SH3RF3: variants seen among roughly 807,000 people sequenced by gnomAD.
The protein encoded by SH3RF3 is E3 ubiquitin-protein ligase SH3RF3.
Under a neutral mutation model 66.3 loss-of-function variants are expected in SH3RF3, and 29 were observed. The observed-to-expected ratio is 0.44, with a 90% CI of 0.33 to 0.60. SH3RF3 has a LOEUF of 0.60. Ranked by LOEUF, SH3RF3 falls within the 20% of genes least tolerant of loss-of-function variation. The pLI is 0.04. For missense variants in SH3RF3, 1,194 were observed against 1,190.9 expected, an observed-to-expected ratio of 1.00 and a Z score of -0.04; for synonymous variants, 583 against 532.0, an observed-to-expected ratio of 1.10 and a Z score of -1.32.
intron 1 of SH3RF3, among the ~76,000 whole-genome samples, chr2:109,319,523 A>G (rs736304): frequency 0.29 from 43,734 of 152,120 alleles, 6,759 homozygotes; most frequent in East Asian, 0.66. Context: ...ATGTTAGTAC[A>G]GATGTGTATT....
intron 5 of SH3RF3, 104 bp from the exon 6 acceptor site, chr2:109,432,397 T>C (rs2104569301): frequency 6.9e-7 from 1 of 1,456,956 alleles, no homozygotes; most frequent in Non-Finnish European, 9.3e-7. Flanking sequence ...AGTGGGTCTT[T>C]TTAGGTTGGG....
At chr2:109,244,303 G>A (rs1679859191) in intron 1 of SH3RF3, among the ~76,000 whole-genome samples, 1 of 152,214 alleles carries the variant, frequency 6.6e-6, no homozygotes, top group Non-Finnish European at 1.5e-5. Context: ...TCAGGCAAAT[G>A]TGCACATTTT....
chr2:109,432,883 A>G (rs565408245), intron 6 of SH3RF3, among the ~76,000 whole-genome samples: 4 of 152,368 alleles, frequency 2.6e-5, no homozygotes, highest in Admixed American at 1.3e-4. Flanking sequence ...TCCTCAGCAG[A>G]CATTGGCCAC....
chr2:109,148,396 G>T (rs1221032201), intron 1 of SH3RF3, among the ~76,000 whole-genome samples: 2 of 152,192 alleles, frequency 1.3e-5, no homozygotes, highest in Non-Finnish European at 2.9e-5. Context: ...ATCATAGGGA[G>T]GGCTTCTTAA....
At chr2:109,190,177 ATT>A (rs201914781) in intron 1 of SH3RF3, among the ~76,000 whole-genome samples, 1 of 145,568 alleles carries the variant, frequency 6.9e-6, no homozygotes, top group East Asian at 2.0e-4. Context: ...TTGACATCCT[ATT>A]TTTTTTTTTT....
intron 3 of SH3RF3, among the ~76,000 whole-genome samples, chr2:109,393,455 C>A (rs1676056759): frequency 6.6e-6 from 1 of 152,184 alleles, no homozygotes; most frequent in South Asian, 2.1e-4. Flanking sequence ...GTGAAGGATC[C>A]CCAGGTCGTT....
chr2:109,359,867 G>A (rs934640285), intron 2 of SH3RF3, among the ~76,000 whole-genome samples: 3 of 152,076 alleles, frequency 2.0e-5, no homozygotes, highest in Non-Finnish European at 2.9e-5. Context: ...ACCATAAAGG[G>A]TCATAAAATG....
At chr2:109,424,175 C>T (rs1049002562) in intron 5 of SH3RF3, among the ~76,000 whole-genome samples, 34 of 152,196 alleles carry the variant, frequency 2.2e-4, no homozygotes, top group African/African-American at 8.0e-4. Flanking sequence ...GAAGGGAAGC[C>T]TGTCTGATCC....
At chr2:109,440,557 G>A (rs1408854574) in intron 7 of SH3RF3, among the ~76,000 whole-genome samples, 1 of 152,178 alleles carries the variant, frequency 6.6e-6, no homozygotes, top group African/African-American at 2.4e-5. Flanking sequence ...ATGAGGACAG[G>A]AATTACTCTC....
chr2:109,380,598 G>A (rs1008222123), intron 3 of SH3RF3, among the ~76,000 whole-genome samples: 9 of 152,224 alleles, frequency 5.9e-5, no homozygotes, highest in African/African-American at 2.2e-4. Flanking sequence ...CAGCCTCCCT[G>A]GGAGCTTCTG....
intron 1 of SH3RF3, among the ~76,000 whole-genome samples, chr2:109,225,588 C>T (rs2105165029): frequency 6.6e-6 from 1 of 152,354 alleles, no homozygotes; most frequent in Admixed American, 6.5e-5. Context: ...CTCCACGTTC[C>T]TCTCTGGGAC....
At chr2:109,261,967 A>G (rs1191900956) in intron 1 of SH3RF3, among the ~76,000 whole-genome samples, 1 of 152,068 alleles carries the variant, frequency 6.6e-6, no homozygotes, top group Non-Finnish European at 1.5e-5. Flanking sequence ...ACTTCATTAC[A>G]TCAGAGGAAG....
intron 9 of SH3RF3, among the ~76,000 whole-genome samples, chr2:109,498,655 T>G (rs954931816): frequency 3.9e-5 from 6 of 152,158 alleles, no homozygotes. Context: ...TCCCCCTAAG[T>G]AGTATCAAGT....
At chr2:109,453,962 C>T (rs376517930) in intron 8 of SH3RF3, among the ~76,000 whole-genome samples, 3 of 152,202 alleles carry the variant, frequency 2.0e-5, no homozygotes, top group South Asian at 2.1e-4. Context: ...GGGAGGGCCT[C>T]GTTGCCAACT....
chr2:109,287,024 A>C (rs1390581249), intron 1 of SH3RF3, among the ~76,000 whole-genome samples: 1 of 152,130 alleles, frequency 6.6e-6, no homozygotes, highest in South Asian at 2.1e-4. Context: ...TCAGCTCTGC[A>C]CTGCTCTTCC....
At chr2:109,298,993 C>T (rs1681392554) in intron 1 of SH3RF3, among the ~76,000 whole-genome samples, 1 of 152,216 alleles carries the variant, frequency 6.6e-6, no homozygotes, top group South Asian at 2.1e-4. Context: ...CCTGCACCAA[C>T]CCCCACCCAC....
At chr2:109,153,016 G>A (rs924127740) in intron 1 of SH3RF3, among the ~76,000 whole-genome samples, 5 of 152,188 alleles carry the variant, frequency 3.3e-5, no homozygotes, top group East Asian at 3.9e-4. Flanking sequence ...TTAGAAGCAC[G>A]TTTTGATGGG....
chr2:109,394,815 C>G (rs1343109494), intron 3 of SH3RF3, among the ~76,000 whole-genome samples: 1 of 152,238 alleles, frequency 6.6e-6, no homozygotes, highest in East Asian at 1.9e-4. Context: ...GCAGAGCCAC[C>G]TGGCTTCCCT....
At chr2:109,411,450 T>C (rs1559069276) in intron 4 of SH3RF3, among the ~76,000 whole-genome samples, 1 of 152,216 alleles carries the variant, frequency 6.6e-6, no homozygotes, top group African/African-American at 2.4e-5. Flanking sequence ...AGCGTGCTGC[T>C]GAGCCTGTCA....
Sources: allele counts gnomAD v4.1 joint callset (sites outside exome capture counted in the v4.1 genomes callset), GRCh38; gene constraint gnomAD v4.1.1; transcripts MANE v1.5; gene names NCBI Gene and HGNC (gene_info 2026-07-23, HGNC 2026-07-21).